TANC2: variants seen among roughly 807,000 people sequenced by gnomAD.
TANC2 encodes protein TANC2.
Under a neutral mutation model 210.5 loss-of-function variants are expected in TANC2, and 26 were observed. That is an observed-to-expected ratio of 0.12 (90% CI 0.09 to 0.17). The LOEUF is 0.17. Ranked by LOEUF, TANC2 falls within the 10% of genes least tolerant of loss-of-function variation. The pLI is 1.00. For missense variants in TANC2, 2,129 were observed against 2,608.9 expected, an observed-to-expected ratio of 0.82 and a Z score of 4.01; for synonymous variants, 931 against 967.1, an observed-to-expected ratio of 0.96 and a Z score of 0.69.
chr17:63,201,522 A>G (rs376857663), intron 7 of TANC2, among the ~76,000 whole-genome samples: 1 of 152,004 alleles, frequency 6.6e-6, no homozygotes, highest in Non-Finnish European at 1.5e-5. Context: ...ATACGAATAC[A>G]TTTTTATGGC....
intron 11 of TANC2, among the ~76,000 whole-genome samples, chr17:63,328,720 A>G (rs1203141071): frequency 6.6e-6 from 1 of 151,876 alleles, no homozygotes; most frequent in Non-Finnish European, 1.5e-5. Context: ...GATAGGAAGA[A>G]TAAGTTTTAA....
intron 4 of TANC2, among the ~76,000 whole-genome samples, chr17:63,135,763 G>A (rs189305972): frequency 5.1e-4 from 78 of 152,150 alleles, no homozygotes; most frequent in African/African-American, 1.4e-3. Flanking sequence ...AGAATTGCTC[G>A]TGTCAGTAAA....
intron 1 of TANC2, among the ~76,000 whole-genome samples, chr17:62,998,198 TAACTC>T (rs1459307428): frequency 1.3e-5 from 2 of 152,006 alleles, no homozygotes; most frequent in African/African-American, 4.8e-5. Flanking sequence ...TTCTCTGAAA[TAACTC>T]AGACAAAAAT....
chr17:63,326,334 T>C (rs2045645863), intron 11 of TANC2, among the ~76,000 whole-genome samples: 1 of 152,212 alleles, frequency 6.6e-6, no homozygotes, highest in Non-Finnish European at 1.5e-5. Flanking sequence ...ACCATATAGA[T>C]AACTCATATC....
intron 1 of TANC2, among the ~76,000 whole-genome samples, chr17:62,982,392 A>G (rs1236870601): frequency 2.0e-5 from 3 of 152,270 alleles, no homozygotes; most frequent in Middle Eastern, 3.4e-3. Context: ...CACCTTACCA[A>G]TACTATTTCT....
intron 5 of TANC2, among the ~76,000 whole-genome samples, chr17:63,163,779 A>T (rs1047408855): frequency 1.3e-5 from 2 of 152,218 alleles, no homozygotes; most frequent in African/African-American, 4.8e-5. Context: ...GCACAAACCA[A>T]ATCTCAGTTC....
intron 2 of TANC2, among the ~76,000 whole-genome samples, chr17:63,055,577 A>T (rs1414277786): frequency 6.6e-6 from 1 of 151,800 alleles, no homozygotes; most frequent in Non-Finnish European, 1.5e-5. Flanking sequence ...AGTAAGTTCT[A>T]TCATCATGTA....
chr17:63,316,697 A>C (rs560231577), intron 10 of TANC2, among the ~76,000 whole-genome samples: 3 of 152,186 alleles, frequency 2.0e-5, no homozygotes, highest in Admixed American at 2.0e-4. Flanking sequence ...CTCAGAACCA[A>C]TGTTACCTTA....
intron 5 of TANC2, among the ~76,000 whole-genome samples, chr17:63,180,990 C>T (rs1438968227): frequency 7.3e-6 from 1 of 136,654 alleles, no homozygotes; most frequent in Admixed American, 7.8e-5. Context: ...CACCACTGCA[C>T]TCCAGCCTGG....
chr17:63,137,491 A>T (rs1444078818), intron 4 of TANC2, among the ~76,000 whole-genome samples: 1 of 152,226 alleles, frequency 6.6e-6, no homozygotes, highest in African/African-American at 2.4e-5. Flanking sequence ...ATAGAAAAGA[A>T]TCCAGTCATT....
At chr17:63,389,312 G>C in exon 17 of TANC2, 1 of 1,610,398 alleles carries the variant, frequency 6.2e-7, no homozygotes, top group Non-Finnish European at 8.5e-7. Context: ...TTCTAGGTCA[G>C]CCGACTGCTG....
chr17:63,412,170 G>A lies in TANC2; in HGVS notation c.3898+40G>A. On this transcript the variant is annotated intron_variant, in intron 23 of 27. Coordinates refer to ENST00000689528, the Ensembl canonical transcript of TANC2. This position sits in a 1 kb window ranked among gnomAD's most constrained non-coding sequence, Gnocchi z 4.2. ...GAGGATGTTGGCCATCTGTGCCCAG[G>A]GGCCAGACTGGTCCAGTGGTCTGGC... The A allele has an allele frequency of 6.2e-7, 1 of 1,613,438 alleles. No homozygotes were observed. Among genetic ancestry groups the A allele is most frequent in the Non-Finnish European group, 8.5e-7 (1 of 1,179,636 alleles).
chr17:63,362,011 A>G (rs1241233107), intron 14 of TANC2, among the ~76,000 whole-genome samples: 2 of 152,130 alleles, frequency 1.3e-5, no homozygotes, highest in African/African-American at 2.4e-5. Flanking sequence ...GGTAGCTTCT[A>G]TCTACAGGCA....
At chr17:63,403,378 TATG>T (rs2048401678) in intron 19 of TANC2, among the ~76,000 whole-genome samples, 1 of 152,202 alleles carries the variant, frequency 6.6e-6, no homozygotes, top group South Asian at 2.1e-4. Flanking sequence ...TGGTTTGTTT[TATG>T]CACCGAGATA....
rs141871790 is a variant in TANC2, at chr17:63,166,058, G to A, written c.433+14678G>A. ...ATGTAGTACCCCTTGTAGACTGGGGGCAGTTTTGTATGCCAGGAAACACTA... is the reference window on the plus strand; with the variant it reads ...ATGTAGTACCCCTTGTAGACTGGGGACAGTTTTGTATGCCAGGAAACACTA... On this transcript the variant is annotated intron_variant, in intron 5 of 27. Transcript: ENST00000689528. Among the ~76,000 whole-genome samples, 389 of 152,266 alleles carry A rather than the reference G, an allele frequency of 2.6e-3. 5 individuals are homozygous for A. The highest frequency in any genetic ancestry group is 8.9e-3 in the African/African-American group (368 of 41,540).
intron 11 of TANC2, among the ~76,000 whole-genome samples, chr17:63,327,329 C>T (rs2045682063): frequency 6.6e-6 from 1 of 152,140 alleles, no homozygotes; most frequent in Non-Finnish European, 1.5e-5. Context: ...CCTCAAAAAA[C>T]TAAAAATAGA....
chr17:63,222,183 C>T (rs1416603728), intron 7 of TANC2, among the ~76,000 whole-genome samples: 2 of 152,096 alleles, frequency 1.3e-5, no homozygotes, highest in Non-Finnish European at 2.9e-5. Flanking sequence ...TTTTGGTACA[C>T]TTATATTGGT....
intron 5 of TANC2, among the ~76,000 whole-genome samples, chr17:63,189,729 C>A (rs1345340871): frequency 6.6e-6 from 1 of 152,076 alleles, no homozygotes; most frequent in East Asian, 1.9e-4. Flanking sequence ...TTGATGGTAT[C>A]CTTTGAAGCA....
chr17:63,042,735 G>A (rs2035238427), intron 2 of TANC2, among the ~76,000 whole-genome samples: 1 of 152,030 alleles, frequency 6.6e-6, no homozygotes, highest in Non-Finnish European at 1.5e-5. Context: ...AGTTTCTGAG[G>A]GTATTGTTTA....
Sources: gnomAD v4.1 joint callset for allele counts (sites outside exome capture counted in the v4.1 genomes callset) on GRCh38, gnomAD v4.1.1 for gene constraint, Gnocchi (gnomAD v3.1) non-coding constraint, MANE v1.5 for transcripts, NCBI Gene and HGNC (gene_info 2026-07-23, HGNC 2026-07-21) for gene names.